PCDH15: variants seen among roughly 807,000 people sequenced by gnomAD.
The protein encoded by PCDH15 is protocadherin related 15, also known as protocadherin-15.
A neutral mutation model predicts 178.5 loss-of-function variants in PCDH15; 129 were observed. That is an observed-to-expected ratio of 0.72 (90% CI 0.63 to 0.84). The LOEUF (loss-of-function observed/expected upper bound fraction) is 0.84. Ranked by LOEUF, PCDH15 falls within the 40% of genes least tolerant of loss-of-function variation. The pLI is 0.00. For missense variants in PCDH15, 2,230 were observed against 2,099.9 expected, an observed-to-expected ratio of 1.06 and a Z score of -1.21; for synonymous variants, 800 against 732.0, an observed-to-expected ratio of 1.09 and a Z score of -1.50.
chr10:54,001,569 T>C (rs1247725402), intron 20 of PCDH15, among the ~76,000 whole-genome samples: 2 of 151,616 alleles, frequency 1.3e-5, no homozygotes, highest in East Asian at 1.9e-4. Flanking sequence ...AAATGTACAA[T>C]AGATACATAA....
At chr10:54,045,388 T>C (rs2093634957) in intron 18 of PCDH15, among the ~76,000 whole-genome samples, 1 of 152,134 alleles carries the variant, frequency 6.6e-6, no homozygotes, top group African/African-American at 2.4e-5. Context: ...ATTGGCTCTT[T>C]ATGCCAACAA....
chr10:54,762,620 T>C (rs955063150), intron 1 of PCDH15, among the ~76,000 whole-genome samples: 1 of 152,156 alleles, frequency 6.6e-6, no homozygotes, highest in Non-Finnish European at 1.5e-5. Context: ...AAATATTTTT[T>C]GTTAAACCAT....
intron 18 of PCDH15, among the ~76,000 whole-genome samples, chr10:54,060,814 G>A (rs770197492): frequency 3.3e-5 from 5 of 152,068 alleles, no homozygotes; most frequent in South Asian, 2.1e-4. Flanking sequence ...GGGAGTGGTC[G>A]TCTCATTAAA....
At chr10:55,020,753 T>G (rs2131954157) in intron 2 of PCDH15, among the ~76,000 whole-genome samples, 1 of 152,266 alleles carries the variant, frequency 6.6e-6, no homozygotes, top group Admixed American at 6.5e-5. Context: ...GAGAAAATTC[T>G]AGTGGGCTCC....
chr10:55,608,912 A>C (rs1420001540), intron 2 of PCDH15, among the ~76,000 whole-genome samples: 1 of 151,984 alleles, frequency 6.6e-6, no homozygotes, highest in Non-Finnish European at 1.5e-5. Context: ...GAAGGAACTC[A>C]GATAAAACAA....
chr10:54,581,472 G>A (rs1487901819), intron 2 of PCDH15, among the ~76,000 whole-genome samples: 3 of 152,030 alleles, frequency 2.0e-5, no homozygotes, highest in African/African-American at 4.8e-5. Context: ...CTCATGGAAG[G>A]TAAGAATGAG....
At chr10:54,138,487 C>G (rs1178096302) in intron 14 of PCDH15, among the ~76,000 whole-genome samples, 1 of 152,120 alleles carries the variant, frequency 6.6e-6, no homozygotes, top group Non-Finnish European at 1.5e-5. Context: ...AAGTAGAATT[C>G]AGTAAGCTAA....
At chr10:53,946,132 C>A (rs1044104414) in intron 23 of PCDH15, among the ~76,000 whole-genome samples, 2 of 152,056 alleles carry the variant, frequency 1.3e-5, no homozygotes, top group African/African-American at 4.8e-5. Context: ...TGAGATATCA[C>A]CTCACATCTA....
intron 2 of PCDH15, among the ~76,000 whole-genome samples, chr10:55,560,007 T>G (rs1053167725): frequency 4.7e-4 from 71 of 151,930 alleles, no homozygotes; most frequent in African/African-American, 1.7e-3. Context: ...CTGTAGGCCA[T>G]TAAGGACAAA....
At chr10:54,162,422 C>T (rs11004109) in intron 13 of PCDH15, among the ~76,000 whole-genome samples, 2,659 of 152,188 alleles carry the variant, frequency 0.017, 88 homozygotes, top group African/African-American at 0.061. Flanking sequence ...ATCAGCTAAT[C>T]CAACTATGAA....
chr10:54,648,178 A>G (rs1722792093), intron 2 of PCDH15, among the ~76,000 whole-genome samples: 1 of 152,122 alleles, frequency 6.6e-6, no homozygotes, highest in Admixed American at 6.6e-5. Flanking sequence ...TCTAAGAAAG[A>G]GAAAATTAGA....
At chr10:53,860,144 C>A (rs1589132015) in intron 27 of PCDH15, among the ~76,000 whole-genome samples, 1 of 152,272 alleles carries the variant, frequency 6.6e-6, no homozygotes, top group South Asian at 2.1e-4. Context: ...AAAAGAACAG[C>A]ATGACATCTG....
chr10:55,273,953 G>A (rs1467580373), intron 1 of PCDH15, among the ~76,000 whole-genome samples: 1 of 152,052 alleles, frequency 6.6e-6, no homozygotes, highest in Admixed American at 6.6e-5. Context: ...TAAATACAAG[G>A]CCATCCATGT....
intron 1 of PCDH15, among the ~76,000 whole-genome samples, chr10:54,757,462 T>G: frequency 1.1e-5 from 1 of 88,370 alleles, no homozygotes; most frequent in East Asian, 2.1e-4. Context: ...TTTGTATTTT[T>G]AGTAGAGACG....
intron 1 of PCDH15, among the ~76,000 whole-genome samples, chr10:54,701,339 G>A (rs2095306816): frequency 6.6e-6 from 1 of 151,968 alleles, no homozygotes; most frequent in South Asian, 2.1e-4. Context: ...ACTGTTACAA[G>A]ACATTATAAA....
chr10:54,570,587 T>C (rs1241325533), intron 2 of PCDH15, among the ~76,000 whole-genome samples: 9 of 152,264 alleles, frequency 5.9e-5, no homozygotes, highest in Non-Finnish European at 1.3e-4. Flanking sequence ...ATATTTATTC[T>C]ATTATTAAGT....
chr10:54,019,879 T>C (rs913141546), intron 20 of PCDH15, among the ~76,000 whole-genome samples: 3 of 152,090 alleles, frequency 2.0e-5, no homozygotes, highest in Admixed American at 2.0e-4. Flanking sequence ...TGCCTGATGC[T>C]GTGGAATTTG....
At chr10:54,388,378 G>A (rs909949191) in intron 3 of PCDH15, among the ~76,000 whole-genome samples, 14 of 152,082 alleles carry the variant, frequency 9.2e-5, no homozygotes, top group African/African-American at 3.1e-4. Context: ...AATTATTCAC[G>A]AAGATCATTA....
At chr10:54,205,014 A>G (rs913628419) in intron 10 of PCDH15, among the ~76,000 whole-genome samples, 9 of 152,146 alleles carry the variant, frequency 5.9e-5, no homozygotes, top group Non-Finnish European at 1.5e-5. Context: ...GTTTAATTTT[A>G]TCATATCTTC....
Sources: allele counts gnomAD v4.1 joint callset (sites outside exome capture counted in the v4.1 genomes callset), GRCh38; gene constraint gnomAD v4.1.1; transcripts MANE v1.5; gene names NCBI Gene and HGNC (gene_info 2026-07-23, HGNC 2026-07-21).